DNAJC17: variants seen among roughly 807,000 people sequenced by gnomAD.
DNAJC17 encodes the protein DnaJ heat shock protein family (Hsp40) member C17.
DNAJC17 carries 35 observed loss-of-function variants against 48.1 expected under a neutral mutation model. That is an observed-to-expected ratio of 0.73 (90% confidence interval 0.56 to 0.96). DNAJC17 has a LOEUF of 0.96. Ranked by LOEUF, DNAJC17 falls within the 50% of genes least tolerant of loss-of-function variation. The probability of loss-of-function intolerance (pLI) is 0.00; values close to 1 mark genes in which losing one functional copy is unlikely to be tolerated. For missense variants in DNAJC17, 355 were observed against 377.1 expected (o/e 0.94, Z 0.48); for synonymous variants, 117 against 142.7 (o/e 0.82, Z 1.28).
At position 40,769,558 on chromosome 15, in the gene DNAJC17, C is replaced by T. The variant is rs774656457; in HGVS notation, c.793-1496G>A. 4.9e-4 allele frequency among the ~76,000 whole-genome samples: 74 copies of T among 152,250 alleles called. 1 individual carries two copies. Among genetic ancestry groups the T allele is most frequent in the Non-Finnish European group, 1.0e-4 (7 of 68,038 alleles). On this transcript the variant is annotated intron_variant, in intron 10 of 10. Transcript: ENST00000220496. The surrounding 1 kb of genome is among the most constrained non-coding windows in gnomAD (Gnocchi z 4.2). ...CAGGCATGGCGCTGCTCCCCATTAA[C>T]ACACCCTCTGCCCCCCTTCCTGTTC...
intron 1 of DNAJC17, chr15:40,780,431 G>A: frequency 2.4e-6 from 1 of 423,514 alleles, no homozygotes; most frequent in Admixed American, 2.7e-5. Context: ...ACTTGTAGAA[G>A]TATGGCAAAA....
intron 1 of DNAJC17, among the ~76,000 whole-genome samples, chr15:40,799,005 G>A (rs1269369329): frequency 6.6e-6 from 1 of 152,136 alleles, no homozygotes; most frequent in Middle Eastern, 3.4e-3. Flanking sequence ...GGATCACGAG[G>A]TGAGGAGATA....
intron 1 of DNAJC17, 177 bp downstream of exon 1, chr15:40,807,192 C>A: frequency 6.8e-7 from 1 of 1,472,010 alleles, no homozygotes; most frequent in South Asian, 1.3e-5. Flanking sequence ...CTCTTGAGGC[C>A]CTCGGACCGT....
intron 1 of DNAJC17, among the ~76,000 whole-genome samples, chr15:40,805,657 C>A (rs1350651432): frequency 6.6e-6 from 1 of 151,190 alleles, no homozygotes; most frequent in African/African-American, 2.4e-5. Context: ...GGTGAAACCC[C>A]GTCTCTACTA....
rs369297714 is a variant in DNAJC17, at chr15:40,776,305, G to C, written c.382-13C>G. On this transcript the variant is annotated splice_polypyrimidine_tract_variant and intron_variant, in intron 5 of 10. Transcript: ENST00000220496. ...TCAGGCGTTCGATCTGCAGAGCAGG[G>C]GGTGGGGGTGACAATTCTGTGCAGG... 3 of 1,612,584 alleles carry C rather than the reference G, an allele frequency of 1.9e-6. No individual in the cohort carries two copies. The highest frequency in any genetic ancestry group is 2.7e-5 in the African/African-American group (2 of 74,884).
At chr15:40,789,356 C>G (rs762000326) in intron 1 of DNAJC17, among the ~76,000 whole-genome samples, 26 of 151,434 alleles carry the variant, frequency 1.7e-4, no homozygotes, top group Non-Finnish European at 3.8e-4. Flanking sequence ...TTCACTCCCC[C>G]ACAGTACTCC....
At chr15:40,805,830 C>T (rs1383757321) in intron 1 of DNAJC17, among the ~76,000 whole-genome samples, 1 of 150,658 alleles carries the variant, frequency 6.6e-6, no homozygotes, top group East Asian at 1.9e-4. Flanking sequence ...GACTCCGTCT[C>T]AAAAACAATA....
chr15:40,765,748 G>A lies in DNAJC17; in HGVS notation c.*2192C>T. The A allele has an allele frequency of 1.6e-6, 1 of 620,602 alleles. No individual in the cohort carries two copies. The highest frequency in any genetic ancestry group is 2.8e-6 in the Non-Finnish European group (1 of 351,152). 38.4% of individuals were successfully genotyped at this position (620,602 alleles called of 1,614,324 possible). A position where few individuals can be genotyped will look rare whatever the true frequency, so the allele number is the denominator to read the frequency against. On this transcript the variant is annotated 3_prime_UTR_variant, in exon 11 of 11. Coordinates refer to ENST00000220496, the MANE Select transcript of DNAJC17 (RefSeq NM_018163.3). ...ACCTGAACCTTACTCAGGGCTAGCA[G>A]GCAGGGGAGGAAGGACAGGCAAGAC... is the stretch of plus-strand genomic sequence containing the variant.
chr15:40,807,336 C>T, intron 1 of DNAJC17, 33 bp downstream of exon 1: 1 of 1,614,298 alleles, frequency 6.2e-7, no homozygotes, highest in Non-Finnish European at 8.5e-7. Context: ...CGCCAGACCT[C>T]TCAAGATCAG....
At chr15:40,807,154 G>A (rs1041552135) in intron 1 of DNAJC17, 5 of 1,220,910 alleles carry the variant, frequency 4.1e-6, no homozygotes, top group Admixed American at 2.8e-5. Context: ...CAGCCACCCG[G>A]CGCGAAGAGC....
In DNAJC17 at chr15:40,767,083, G is replaced by A. The variant is rs1014844679; in HGVS notation, c.*857C>T. ...CCTAGAAGGGGAGGAGGCAGGGGGC[G>A]TGCACTTACCCCAGCGCCCAGCAAG... On this transcript the variant is annotated 3_prime_UTR_variant, in exon 11 of 11. Coordinates refer to ENST00000220496, the MANE Select transcript of DNAJC17 (RefSeq NM_018163.3). 6.4e-5 allele frequency: 45 copies of A among 705,062 alleles called. No individual in the cohort carries two copies. Among genetic ancestry groups the A allele is most frequent in the East Asian group, 1.5e-4 (5 of 32,968 alleles). The allele number at this position is 705,062 out of a possible 1,614,324, so 43.7% of individuals were successfully genotyped here. A position where few individuals can be genotyped will look rare whatever the true frequency, so the allele number is the denominator to read the frequency against.
At chr15:40,772,495 T>A in intron 10 of DNAJC17, 1 of 166,062 alleles carries the variant, frequency 6.0e-6, no homozygotes. Flanking sequence ...GACTTGAAGG[T>A]GGGAATGAGG....
At chr15:40,768,578 C>G (rs564785391) in intron 10 of DNAJC17, among the ~76,000 whole-genome samples, 1 of 152,192 alleles carries the variant, frequency 6.6e-6, no homozygotes, top group Admixed American at 6.5e-5. Context: ...CGAGGCAGCC[C>G]GGAATGCCCC....
Position 40,807,455 on chromosome 15 carries a change from C to G in DNAJC17, c.-9G>C. The G allele has an allele frequency of 6.2e-7, 1 of 1,614,180 alleles. No individual in the cohort carries two copies. The highest frequency in any genetic ancestry group is 1.1e-5 in the South Asian group (1 of 91,080). ...TCCTTGGTCACTGCCATGGTTCCGG[C>G]CTGACGGATTCGTACTACAACTCCC... On this transcript the variant is annotated 5_prime_UTR_variant, in exon 1 of 11. Transcript: ENST00000220496.
At chr15:40,804,788 G>A (rs1890158785) in intron 1 of DNAJC17, among the ~76,000 whole-genome samples, 1 of 151,114 alleles carries the variant, frequency 6.6e-6, no homozygotes, top group Admixed American at 6.6e-5. Flanking sequence ...GATCACTTGA[G>A]GTCAGGAGTT....
At chr15:40,774,738 A>G (rs1889269255) in intron 8 of DNAJC17, among the ~76,000 whole-genome samples, 1 of 152,244 alleles carries the variant, frequency 6.6e-6, no homozygotes, top group African/African-American at 2.4e-5. Flanking sequence ...CTTTCGTGCC[A>G]GATACGCACC....
chr15:40,800,410 T>C (rs746644787), intron 1 of DNAJC17, among the ~76,000 whole-genome samples: 5 of 152,128 alleles, frequency 3.3e-5, no homozygotes, highest in Non-Finnish European at 7.4e-5. Context: ...ACTAGTGAAG[T>C]TGAGCATCTT....
chr15:40,794,068 A>T (rs532775234), intron 1 of DNAJC17, among the ~76,000 whole-genome samples: 1 of 152,192 alleles, frequency 6.6e-6, no homozygotes, highest in Non-Finnish European at 1.5e-5. Context: ...CTTACACATT[A>T]AAGATAGTTA....
chr15:40,776,516 T>C (rs1889327822), intron 5 of DNAJC17, 26 bp downstream of exon 5: 1 of 1,612,996 alleles, frequency 6.2e-7, no homozygotes, highest in African/African-American at 1.3e-5. Context: ...CAGGTGGCCT[T>C]CTGGCCAGTG....
Sources: gnomAD v4.1 joint callset for allele counts (sites outside exome capture counted in the v4.1 genomes callset) on GRCh38, gnomAD v4.1.1 for gene constraint, Gnocchi (gnomAD v3.1) non-coding constraint, MANE v1.5 for transcripts, NCBI Gene and HGNC (gene_info 2026-07-23, HGNC 2026-07-21) for gene names.